Variants in RHOBTB3 observed in about 807,000 individuals in gnomAD.
RHOBTB3 encodes Rho related BTB domain containing 3, also known as rho-related BTB domain-containing protein 3.
In RHOBTB3, 47 loss-of-function variants were observed where a neutral mutation model predicts 67.2. The observed-to-expected ratio is 0.70, with a 90% CI of 0.55 to 0.89. RHOBTB3 has a LOEUF of 0.89. RHOBTB3 is among the 40% of genes least tolerant of loss of function. The pLI is 0.00. For missense variants in RHOBTB3, 631 were observed against 750.0 expected, an observed-to-expected ratio of 0.84 and a Z score of 1.85; for synonymous variants, 273 against 274.2, an observed-to-expected ratio of 1.00 and a Z score of 0.04.
At chr5:95,742,957 G>C (rs987005471) in intron 3 of RHOBTB3, among the ~76,000 whole-genome samples, 6 of 152,196 alleles carry the variant, frequency 3.9e-5, no homozygotes, top group African/African-American at 1.4e-4. Flanking sequence ...TGTAGTCCCA[G>C]CTACTCGGGA....
chr5:95,729,121 G>A (rs1354189952), upstream of RHOBTB3, among the ~76,000 whole-genome samples: 2 of 152,150 alleles, frequency 1.3e-5, no homozygotes, highest in Non-Finnish European at 2.9e-5. Flanking sequence ...ATACTCAGTC[G>A]AGCAGCCCAT....
intron 10 of RHOBTB3, among the ~76,000 whole-genome samples, 174 bp from the exon 11 acceptor site, chr5:95,788,588 T>C (rs1160874712): frequency 1.3e-5 from 2 of 152,232 alleles, no homozygotes; most frequent in African/African-American, 4.8e-5. Flanking sequence ...CGTTATTTGC[T>C]AATAGTGCTC....
intron 3 of RHOBTB3, among the ~76,000 whole-genome samples, chr5:95,739,663 C>T (rs769924770): frequency 6.6e-6 from 1 of 152,120 alleles, no homozygotes; most frequent in Non-Finnish European, 1.5e-5. Flanking sequence ...CGATGCCCCC[C>T]ACCTCAGCCT....
At chr5:95,769,791 A>G in intron 8 of RHOBTB3, 1 of 198,440 alleles carries the variant, frequency 5.0e-6, no homozygotes, top group Non-Finnish European at 1.0e-5. Flanking sequence ...AGAAATGTCT[A>G]GTGCCCAGTC....
chr5:95,782,043 T>G (rs1746063735), intron 9 of RHOBTB3: 1 of 152,216 alleles, frequency 6.6e-6, no homozygotes, highest in African/African-American at 2.4e-5. Context: ...TAATATTAAG[T>G]TTTACCTTGC....
chr5:95,731,462 CA>C lies in RHOBTB3; in HGVS notation c.-220del. The C allele has an allele frequency of 8.2e-7, 1 of 1,215,594 alleles. No individual in the cohort carries two copies. The highest frequency in any genetic ancestry group is 1.0e-6 in the Non-Finnish European group (1 of 980,796). The allele number at this position is 1,215,594 out of a possible 1,614,324, so 75.3% of individuals were successfully genotyped here. A position where few individuals can be genotyped will look rare whatever the true frequency, so the allele number is the denominator to read the frequency against. On this transcript the variant is annotated 5_prime_UTR_variant, in exon 1 of 12. Transcript: ENST00000379982. ...TTCCCGGGCACTCCCTGAGTAGCGG[CA>C]GCTTATCCCCCGCCCGCTAGCCCGC...
intron 10 of RHOBTB3, among the ~76,000 whole-genome samples, chr5:95,785,144 C>T (rs1367413591): frequency 3.3e-5 from 5 of 152,176 alleles, no homozygotes; most frequent in Non-Finnish European, 7.3e-5. Flanking sequence ...CAAGCTGAAA[C>T]GAATTCATTC....
chr5:95,784,344 A>G (rs963125424), intron 10 of RHOBTB3, among the ~76,000 whole-genome samples: 6 of 152,248 alleles, frequency 3.9e-5, no homozygotes, highest in African/African-American at 1.4e-4. Context: ...GAATTGGTCC[A>G]TATATACTGA....
At chr5:95,782,822 A>C (rs1746095971) in intron 9 of RHOBTB3, 1 of 149,196 alleles carries the variant, frequency 6.7e-6, no homozygotes, top group African/African-American at 2.5e-5. Flanking sequence ...AAAAAAAAAA[A>C]AAAAAAAAAA....
chr5:95,780,165 T>G, intron 8 of RHOBTB3, 87 bp from the exon 9 acceptor site: 1 of 1,010,116 alleles, frequency 9.9e-7, no homozygotes, highest in Non-Finnish European at 1.5e-6. Flanking sequence ...CTGTCCCTAA[T>G]GTGGTAGTCT....
At chr5:95,775,470 A>G (rs1211033786) in intron 8 of RHOBTB3, among the ~76,000 whole-genome samples, 1 of 150,172 alleles carries the variant, frequency 6.7e-6, no homozygotes, top group Non-Finnish European at 1.5e-5. Context: ...GTATATACAT[A>G]TCTCTCTCTT....
chr5:95,736,117 A>G (rs1755449429), intron 2 of RHOBTB3, among the ~76,000 whole-genome samples: 1 of 152,236 alleles, frequency 6.6e-6, no homozygotes, highest in Non-Finnish European at 1.5e-5. Context: ...TTTTTAAGGA[A>G]TAGTGTTTGT....
At chr5:95,742,626 G>T (rs1755631145) in intron 3 of RHOBTB3, among the ~76,000 whole-genome samples, 1 of 151,994 alleles carries the variant, frequency 6.6e-6, no homozygotes, top group Non-Finnish European at 1.5e-5. Context: ...GAGTTCCTTG[G>T]CCTTTTCTTC....
At chr5:95,776,842 G>GCTTCACCTGCAGACTCCACTCCT (rs1228099705) in intron 8 of RHOBTB3, among the ~76,000 whole-genome samples, 9 of 152,312 alleles carry the variant, frequency 5.9e-5, no homozygotes, top group South Asian at 2.1e-4. Context: ...ACTAGCAGAG[G>GCTTCACCTGCAGACTCCACTCCT]CTTCACCTGC....
At chr5:95,726,295 G>T (rs1447033190), upstream of RHOBTB3, among the ~76,000 whole-genome samples, 5 of 152,252 alleles carry the variant, frequency 3.3e-5, no homozygotes, top group African/African-American at 1.2e-4. Context: ...CTAAGAGTGT[G>T]TTGCTTTTTG....
At chr5:95,758,194 G>A (rs981921359) in intron 6 of RHOBTB3, among the ~76,000 whole-genome samples, 5 of 152,054 alleles carry the variant, frequency 3.3e-5, no homozygotes, top group Non-Finnish European at 5.9e-5. Flanking sequence ...TTTCTCCTAG[G>A]GGGAGTGCTT....
At chr5:95,789,682 TGAG>T (rs1342239577) in intron 11 of RHOBTB3, 1 of 151,784 alleles carries the variant, frequency 6.6e-6, no homozygotes, top group Non-Finnish European at 1.5e-5. Flanking sequence ...AGGGAGTGGG[TGAG>T]GAGAAGGAGA....
intron 2 of RHOBTB3, among the ~76,000 whole-genome samples, chr5:95,734,985 G>A (rs929664368): frequency 1.3e-5 from 2 of 152,208 alleles, no homozygotes; most frequent in Admixed American, 6.5e-5. Context: ...TTAAATGGCT[G>A]CTTAATATTG....
chr5:95,750,421 C>T (rs1005017750), intron 4 of RHOBTB3, among the ~76,000 whole-genome samples: 1 of 152,170 alleles, frequency 6.6e-6, no homozygotes, highest in Non-Finnish European at 1.5e-5. Context: ...CTACATGTGG[C>T]TATTTATATT....
Sources: gnomAD v4.1 joint callset for allele counts (sites outside exome capture counted in the v4.1 genomes callset) on GRCh38, gnomAD v4.1.1 for gene constraint, MANE v1.5 for transcripts, NCBI Gene and HGNC (gene_info 2026-07-23, HGNC 2026-07-21) for gene names.